The following NHEJ1 variants were observed in gnomAD, a reference collection of about 807,000 sequenced individuals.
The protein encoded by NHEJ1 is non-homologous end joining factor 1.
A neutral mutation model predicts 39.4 loss-of-function variants in NHEJ1; 22 were observed. The ratio of observed to expected loss-of-function variants is 0.56; its 90% CI spans 0.40 to 0.80. The LOEUF is 0.80. NHEJ1 is among the 30% of genes least tolerant of loss of function. The pLI is 0.00. For missense variants in NHEJ1, 329 were observed against 357.1 expected (o/e 0.92, Z 0.63); for synonymous variants, 154 against 135.6 (o/e 1.14, Z -0.94).
At chr2:219,100,056 C>A (rs879503612) in intron 5 of NHEJ1, among the ~76,000 whole-genome samples, 7 of 152,030 alleles carry the variant, frequency 4.6e-5, no homozygotes, top group Admixed American at 1.3e-4. Flanking sequence ...AAGAAGGAAG[C>A]CTTCGGTTAT....
chr2:219,133,045 C>A (rs972743769), intron 5 of NHEJ1, among the ~76,000 whole-genome samples: 1 of 152,164 alleles, frequency 6.6e-6, no homozygotes, highest in Non-Finnish European at 1.5e-5. Context: ...AGATCTCCCA[C>A]ACTGAATGAA....
chr2:219,152,100 T>C (rs1949801704), intron 3 of NHEJ1, among the ~76,000 whole-genome samples: 1 of 152,146 alleles, frequency 6.6e-6, no homozygotes, highest in South Asian at 2.1e-4. Flanking sequence ...TATATGAAGA[T>C]ATACAGTTCA....
At chr2:219,078,049 T>C (rs1409674765) in intron 6 of NHEJ1, 40 bp downstream of exon 6, 2 of 1,368,666 alleles carry the variant, frequency 1.5e-6, no homozygotes, top group African/African-American at 1.4e-5. Context: ...TAGATCCTAA[T>C]TGTATCCTCA....
intron 3 of NHEJ1, among the ~76,000 whole-genome samples, chr2:219,154,935 CATATA>C (rs530352336): frequency 9.2e-4 from 135 of 146,218 alleles, no homozygotes; most frequent in Middle Eastern, 3.6e-3. Flanking sequence ...ATTAATATAA[CATATA>C]ATATATGTTA....
chr2:219,116,600 ACC>A (rs1361238814), intron 5 of NHEJ1, among the ~76,000 whole-genome samples: 1 of 152,124 alleles, frequency 6.6e-6, no homozygotes, highest in Non-Finnish European at 1.5e-5. Context: ...CAAGCGATCA[ACC>A]TGCCTTGGCC....
chr2:219,074,740 T>TA lies in NHEJ1; in HGVS notation c.*1640dup, dbSNP rs576848890. On this transcript the variant is annotated 3_prime_UTR_variant, in exon 8 of 8. Coordinates refer to ENST00000356853, the MANE Select transcript of NHEJ1 (RefSeq NM_024782.3). The stretch of plus-strand genomic sequence containing the variant: ...CTAGGCAACAAGAGCAAGACTCCAT[T>TA]AAAAAAAAAAAAAAGTAACAAAAGA... Among the ~76,000 whole-genome samples the TA allele has an allele frequency of 0.022, 3,103 of 140,264 alleles. 98 individuals carry two copies. The highest frequency in any genetic ancestry group is 0.072 in the African/African-American group (2,758 of 38,348). The allele number at this position is 140,264 out of a possible 152,430, so 92.0% of individuals were successfully genotyped here.
chr2:219,118,560 G>A (rs924512758), intron 5 of NHEJ1, among the ~76,000 whole-genome samples: 6 of 152,162 alleles, frequency 3.9e-5, no homozygotes, highest in African/African-American at 1.2e-4. Flanking sequence ...GCCAGGCTCC[G>A]CTGAGGTTTC....
intron 5 of NHEJ1, among the ~76,000 whole-genome samples, chr2:219,135,383 G>T (rs1949617525): frequency 6.6e-6 from 1 of 150,688 alleles, no homozygotes; most frequent in Admixed American, 6.6e-5. Flanking sequence ...GAGGTGGGTG[G>T]ATCACTCAAG....
chr2:219,158,872 G>A, intron 1 of NHEJ1: 1 of 181,556 alleles, frequency 5.5e-6, no homozygotes. Flanking sequence ...GAAGCTCTCA[G>A]GATTTTTTTA....
chr2:219,100,863 T>C (rs1233080737), intron 5 of NHEJ1, among the ~76,000 whole-genome samples: 2 of 152,160 alleles, frequency 1.3e-5, no homozygotes, highest in African/African-American at 4.8e-5. Flanking sequence ...TCTTCCTCTA[T>C]GGGCATTTTA....
At position 219,076,175 on chromosome 2, in the gene NHEJ1, G is replaced by A. The variant is rs753854496; in HGVS notation, c.*206C>T. The A allele has an allele frequency of 1.1e-5, 12 of 1,134,204 alleles. No homozygotes were observed. The highest frequency in any genetic ancestry group is 3.2e-5 in the South Asian group (2 of 62,792). 70.3% of individuals were successfully genotyped at this position (1,134,204 alleles called of 1,614,324 possible). On this transcript the variant is annotated 3_prime_UTR_variant, in exon 8 of 8. Coordinates refer to ENST00000356853, the MANE Select transcript of NHEJ1 (RefSeq NM_024782.3). ...CCTCCACCAAAAGAGAGGAGAGCAC[G>A]GGATTCTCAGAGACTGGCTTCCACT...
At chr2:219,115,493 G>C (rs116776965) in intron 5 of NHEJ1, among the ~76,000 whole-genome samples, 20 of 152,266 alleles carry the variant, frequency 1.3e-4, no homozygotes, top group African/African-American at 4.3e-4. Context: ...TGCAAGTCAA[G>C]AGCCTGAGCA....
rs1349678636 is a variant in NHEJ1, at chr2:219,146,738, T to A, written c.530A>T (p.Asp177Val). ...TTCAAATGGTTCTGTCTTCAATCGA[T>A]CTGTAATAAGAAGGATCAGAAAAAA... ...YQESGATLIR[D>V]RLKTEPFEEN... is the part of the protein sequence containing the mutation. Residue 177 changes from aspartate (D) to valine (V), a missense_variant and splice_region_variant, in exon 5 of 8, where the codon GAT (aspartate) becomes GTT (valine). Asp to Val is a radical substitution (Grantham distance 152). Coordinates refer to ENST00000356853, the MANE Select transcript of NHEJ1 (RefSeq NM_024782.3). 3 of 1,608,052 alleles carry A rather than the reference T, an allele frequency of 1.9e-6. No individual in the cohort carries two copies. Among genetic ancestry groups the A allele is most frequent in the Non-Finnish European group, 2.6e-6 (3 of 1,174,650 alleles).
At chr2:219,076,600 T>C in intron 7 of NHEJ1, 145 bp from the exon 8 acceptor site, 1 of 722,268 alleles carries the variant, frequency 1.4e-6, no homozygotes. Context: ...CTGGAGTACA[T>C]GGGCACAATC....
intron 3 of NHEJ1, among the ~76,000 whole-genome samples, chr2:219,152,128 T>C (rs1465026132): frequency 6.6e-6 from 1 of 152,184 alleles, no homozygotes; most frequent in Non-Finnish European, 1.5e-5. Flanking sequence ...ATTCAACAGA[T>C]ATCTACTGGG....
In NHEJ1 at chr2:219,070,756, T is replaced by C. The variant is rs1271853942; in HGVS notation, c.*5625A>G. 6.6e-6 allele frequency among the ~76,000 whole-genome samples: 1 copy of C among 152,198 alleles called. No individual in the cohort carries two copies. The highest frequency in any genetic ancestry group is 1.5e-5 in the Non-Finnish European group (1 of 68,028). On this transcript the variant is annotated 3_prime_UTR_variant, in exon 8 of 8. Coordinates refer to ENST00000356853, the MANE Select transcript of NHEJ1 (RefSeq NM_024782.3). ...ATGATCTATTCCCTTTGTCTTGCTA[T>C]TCTAACTATGTAAATTTTCCTGCCA...
At chr2:219,108,560 T>C (rs1425423910) in intron 5 of NHEJ1, among the ~76,000 whole-genome samples, 3 of 152,338 alleles carry the variant, frequency 2.0e-5, no homozygotes, top group African/African-American at 7.2e-5. Flanking sequence ...GGAGGCACGC[T>C]CAGAACTAAA....
chr2:219,141,328 C>T (rs372669773), intron 5 of NHEJ1, among the ~76,000 whole-genome samples: 2 of 149,396 alleles, frequency 1.3e-5, no homozygotes, highest in Admixed American at 6.7e-5. Context: ...TACAGTGAGC[C>T]GAGATTGTGC....
intron 5 of NHEJ1, among the ~76,000 whole-genome samples, chr2:219,140,611 T>C (rs942914714): frequency 6.6e-6 from 1 of 152,176 alleles, no homozygotes; most frequent in African/African-American, 2.4e-5. Flanking sequence ...TTCACCCAAC[T>C]AAAAGTGAAA....
Sources: allele counts gnomAD v4.1 joint callset (sites outside exome capture counted in the v4.1 genomes callset), GRCh38; gene constraint gnomAD v4.1.1; transcripts MANE v1.5; gene names NCBI Gene and HGNC (gene_info 2026-07-23, HGNC 2026-07-21).